The following B3GNT9 variants were observed in gnomAD, a reference collection of about 807,000 sequenced individuals.
B3GNT9 encodes the protein BGnT-9.
For synonymous variants in B3GNT9, 359 were observed against 283.9 expected (o/e 1.26, Z -2.66); for missense variants, 669 against 599.2 (o/e 1.12, Z -1.22).
rs376177165 is a variant in B3GNT9 at position 67,149,787 on chromosome 16, G to C, written c.699C>G (p.Phe233Leu). 6.2e-7 allele frequency: 1 copy of C among 1,613,760 alleles called. No homozygotes were observed. Among genetic ancestry groups the C allele is most frequent in the African/African-American group, 1.3e-5 (1 of 74,934 alleles). ...RFVFKGDADV[F>L]VNVGNLLEFL... Reference sequence around the variant, plus strand: ...ACTCCAGGAGATTTCCCACGTTCACGAACACATCTGCGTCGCCCTTAAAAA... The same window carrying C: ...ACTCCAGGAGATTTCCCACGTTCACCAACACATCTGCGTCGCCCTTAAAAA... Residue 233 changes from phenylalanine to leucine, a missense_variant, in exon 2 of 2, where the codon TTC becomes TTG. By Grantham distance (22) the Phe-to-Leu change is conservative (BLOSUM62 0). Transcript: ENST00000449549.
In B3GNT9 at chr16:67,150,467, GGCGCAGCCTCCTCCTCATCTCC is replaced by G; in HGVS notation, c.-4_18del. 1 of 1,326,692 alleles carries G rather than the reference GGCGCAGCCTCCTCCTCATCTCC, an allele frequency of 7.5e-7. No individual in the cohort carries two copies. Among genetic ancestry groups the G allele is most frequent in the Non-Finnish European group, 9.6e-7 (1 of 1,040,664 alleles). 82.2% of individuals were successfully genotyped at this position (1,326,692 alleles called of 1,614,324 possible). A position where few individuals can be genotyped will look rare whatever the true frequency, so the allele number is the denominator to read the frequency against. On this transcript the variant is annotated start_lost and 5_prime_UTR_variant, in exon 2 of 2. Coordinates refer to ENST00000449549, the MANE Select transcript of B3GNT9 (RefSeq NM_033309.3). Reference sequence around the variant, plus strand: ...AGCGTGAGCAATGCGTCCCTGCGTAGGCGCAGCCTCCTCCTCATCTCCGCGCGGCCTGCGCCCTCCCTCCCCT... The same window carrying G: ...AGCGTGAGCAATGCGTCCCTGCGTAGGCGCGGCCTGCGCCCTCCCTCCCCT...
chr16:67,150,764 G>T, intron 1 of B3GNT9, 93 bp from the exon 2 acceptor site: 1 of 335,802 alleles, frequency 3.0e-6, no homozygotes, highest in Non-Finnish European at 5.4e-6. Context: ...AGGGAGACTG[G>T]GAGCCTCGGC....
chr16:67,150,646 C>G lies in B3GNT9; in HGVS notation c.-161G>C. 1 of 507,276 alleles carries G rather than the reference C, an allele frequency of 2.0e-6. No homozygotes were observed. Among genetic ancestry groups the G allele is most frequent in the Non-Finnish European group, 3.1e-6 (1 of 326,526 alleles). The allele number at this position is 507,276 out of a possible 1,614,324, so 31.4% of individuals were successfully genotyped here. On this transcript the variant is annotated 5_prime_UTR_variant, in exon 2 of 2. Coordinates refer to ENST00000449549, the MANE Select transcript of B3GNT9 (RefSeq NM_033309.3). Reference sequence around the variant, plus strand: ...CTTGCGTTGTTCTCCTCCTCCCGGCCGTGTCGCACCGCCGGGACCGGCAGC... The same window carrying G: ...CTTGCGTTGTTCTCCTCCTCCCGGCGGTGTCGCACCGCCGGGACCGGCAGC...
chr16:67,150,206 G>T lies in B3GNT9; in HGVS notation c.280C>A (p.Arg94=). Residue 94 remains arginine (R), a synonymous_variant, in exon 2 of 2, where the codon CGG becomes AGG. Transcript: ENST00000449549. ...FARYLRAKDQ[R]RFPLLINQPH... ...TGGTTAATGAGCAGTGGAAACCGCC[G>T]CTGGTCCTTGGCGCGCAAATAGCGG... 9 of 1,556,106 alleles carry T rather than the reference G, an allele frequency of 5.8e-6. No homozygotes were observed. Among genetic ancestry groups the T allele is most frequent in the Non-Finnish European group, 7.8e-6 (9 of 1,153,816 alleles).
chr16:67,150,673 T>C lies in B3GNT9; in HGVS notation c.-186-2A>G. ...TGTCGCACCGCCGGGACCGGCAGCC[T>C]GAAGGGACAAGAAGTTCACCCATGT... On this transcript the variant is annotated splice_acceptor_variant, in intron 1 of 1. Transcript: ENST00000449549. LOFTEE classifies it low-confidence loss of function (5UTR_SPLICE). 2.3e-6 allele frequency: 1 copy of C among 436,242 alleles called. No individual in the cohort carries two copies. The highest frequency in any genetic ancestry group is 3.8e-6 in the Non-Finnish European group (1 of 262,288). The allele number at this position is 436,242 out of a possible 1,614,324, so 27.0% of individuals were successfully genotyped here.
Position 67,150,340 on chromosome 16 carries a change from G to T in B3GNT9, c.146C>A (p.Pro49His). 1 of 1,379,894 alleles carries T rather than the reference G, an allele frequency of 7.2e-7. No individual in the cohort carries two copies. Among genetic ancestry groups the T allele is most frequent in the East Asian group, 2.9e-5 (1 of 34,194 alleles). The allele number at this position is 1,379,894 out of a possible 1,614,324, so 85.5% of individuals were successfully genotyped here. A position where few individuals can be genotyped will look rare whatever the true frequency, so the allele number is the denominator to read the frequency against. ...CTGGAACGCGCGGGGTCCGGGGGTG[G>T]GCCTCGGTGCCGCCCTCCCTCGCCC... ...PRGRGRAAPR[P>H]TPGPRAFQLP... The change falls in exon 2 of 2, where the codon CCC (proline) becomes CAC (histidine). Residue 49 changes from proline to histidine, a missense_variant. Transcript: ENST00000449549.
chr16:67,149,619 G>A lies in B3GNT9; in HGVS notation c.867C>T (p.Gly289=). The A allele has an allele frequency of 6.3e-7, 1 of 1,597,692 alleles. No individual in the cohort carries two copies. Among genetic ancestry groups the A allele is most frequent in the Non-Finnish European group, 8.5e-7 (1 of 1,172,520 alleles). ...GLPAYPAYAG[G]GGFVLSGATL... is the part of the protein sequence containing the mutation. Reference sequence around the variant, plus strand: ...TGGCCCCGGAAAGCACAAAGCCACCGCCGCCCGCGTAGGCCGGATAGGCGG... The same window carrying A: ...TGGCCCCGGAAAGCACAAAGCCACCACCGCCCGCGTAGGCCGGATAGGCGG... Residue 289 remains glycine, a synonymous_variant, in exon 2 of 2, where the codon GGC becomes GGT. Transcript: ENST00000449549.
chr16:67,148,178 A>G lies in B3GNT9; in HGVS notation c.*1099T>C, dbSNP rs2030260884. ...GATGACAATTTTGTGAGTTTTTCAA[A>G]TGTGTGTACAGATTTTTGTAAATAT... On this transcript the variant is annotated 3_prime_UTR_variant, in exon 2 of 2. Coordinates refer to ENST00000449549, the MANE Select transcript of B3GNT9 (RefSeq NM_033309.3). 6.5e-6 allele frequency: 1 copy of G among 152,678 alleles called. No individual in the cohort carries two copies. Among genetic ancestry groups the G allele is most frequent in the Non-Finnish European group, 1.5e-5 (1 of 68,050 alleles). 9.5% of individuals were successfully genotyped at this position (152,678 alleles called of 1,614,324 possible). A position where few individuals can be genotyped will look rare whatever the true frequency, so the allele number is the denominator to read the frequency against.
In B3GNT9 at chr16:67,149,595, G is replaced by A. The variant is rs1320358023; in HGVS notation, c.891C>T (p.Ala297=). 6.3e-7 allele frequency: 1 copy of A among 1,599,668 alleles called. No homozygotes were observed. Among genetic ancestry groups the A allele is most frequent in the South Asian group, 1.1e-5 (1 of 89,318 alleles). The change falls in exon 2 of 2, where the codon GCC becomes GCT. Residue 297 remains alanine, a synonymous_variant. Transcript: ENST00000449549. ...AGGGGFVLSG[A]TLHRLAGACA... ...AGGCGCCAGCCAGGCGGTGCAGCGT[G>A]GCCCCGGAAAGCACAAAGCCACCGC...
rs985652911 is a variant in B3GNT9, at chr16:67,150,666, G to C, written c.-181C>G. 4 of 457,714 alleles carry C rather than the reference G, an allele frequency of 8.7e-6. No homozygotes were observed. Among genetic ancestry groups the C allele is most frequent in the Non-Finnish European group, 1.4e-5 (4 of 281,510 alleles). The allele number at this position is 457,714 out of a possible 1,614,324, so 28.4% of individuals were successfully genotyped here. On this transcript the variant is annotated 5_prime_UTR_variant, in exon 2 of 2. Coordinates refer to ENST00000449549, the MANE Select transcript of B3GNT9 (RefSeq NM_033309.3). Reference sequence around the variant, plus strand: ...CCGGCCGTGTCGCACCGCCGGGACCGGCAGCCTGAAGGGACAAGAAGTTCA... The same window carrying C: ...CCGGCCGTGTCGCACCGCCGGGACCCGCAGCCTGAAGGGACAAGAAGTTCA...
At chr16:67,150,778 T>G in intron 1 of B3GNT9, 87 bp downstream of exon 1, 5 of 293,846 alleles carry the variant, frequency 1.7e-5, no homozygotes, top group Admixed American at 5.2e-5. Flanking sequence ...CCTCGGCCCC[T>G]CCCCCGCCCG....
In B3GNT9 at chr16:67,150,142, C is replaced by T; in HGVS notation, c.344G>A (p.Arg115His). 2 of 1,523,846 alleles carry T rather than the reference C, an allele frequency of 1.3e-6. No homozygotes were observed. Among genetic ancestry groups the T allele is most frequent in the Non-Finnish European group, 1.8e-6 (2 of 1,137,818 alleles). The allele number at this position is 1,523,846 out of a possible 1,614,324, so 94.4% of individuals were successfully genotyped here. A position where few individuals can be genotyped will look rare whatever the true frequency, so the allele number is the denominator to read the frequency against. The change falls in exon 2 of 2, where the codon CGC (arginine) becomes CAC (histidine). Residue 115 changes from arginine (R) to histidine (H), a missense_variant. Coordinates refer to ENST00000449549, the MANE Select transcript of B3GNT9 (RefSeq NM_033309.3). ...CTTGACAGCAATAAGCAGGTCCGGG[C>T]GGCCACCGGGTGCGCCGTCGCCGCG... Reference protein sequence around the residue: ...KCRGDGAPGGRPDLLIAVKSV... With the variant: ...KCRGDGAPGGHPDLLIAVKSV...
At position 67,149,661 on chromosome 16, in the gene B3GNT9, C is replaced by T. The variant is rs1212199925; in HGVS notation, c.825G>A (p.Glu275=). The T allele has an allele frequency of 6.2e-7, 1 of 1,605,936 alleles. No homozygotes were observed. Among genetic ancestry groups the T allele is most frequent in the Non-Finnish European group, 8.5e-7 (1 of 1,176,394 alleles). The change falls in exon 2 of 2, where the codon GAG becomes GAA. Residue 275 remains glutamate (E), a synonymous_variant. Transcript: ENST00000449549. ...RTRASKYYIP[E]AVYGLPAYPA... ...GATAGGCGGGCAGGCCGTACACGGC[C>T]TCGGGGATGTAGTACTTGCTAGCCC... is the stretch of plus-strand genomic sequence containing the variant.
rs1409407012 is a variant in B3GNT9 at position 67,148,188 on chromosome 16, A to G, written c.*1089T>C. On this transcript the variant is annotated 3_prime_UTR_variant, in exon 2 of 2. Coordinates refer to ENST00000449549, the MANE Select transcript of B3GNT9 (RefSeq NM_033309.3). ...TTGTGAGTTTTTCAAATGTGTGTAC[A>G]GATTTTTGTAAATATGACTCTTTTG... The G allele has an allele frequency of 6.5e-6, 1 of 152,690 alleles. No homozygotes were observed. Among genetic ancestry groups the G allele is most frequent in the Non-Finnish European group, 1.5e-5 (1 of 68,058 alleles). The allele number at this position is 152,690 out of a possible 1,614,324, so 9.5% of individuals were successfully genotyped here.
rs191410992 is a variant in B3GNT9, at chr16:67,148,396, C to T, written c.*881G>A. On this transcript the variant is annotated 3_prime_UTR_variant, in exon 2 of 2. Coordinates refer to ENST00000449549, the MANE Select transcript of B3GNT9 (RefSeq NM_033309.3). Reference sequence around the variant, plus strand: ...CTGGCCAGAGCCCCTTGCATATCCCCACTGTCAGGGGCAGCCAGGACTGTT... The same window carrying T: ...CTGGCCAGAGCCCCTTGCATATCCCTACTGTCAGGGGCAGCCAGGACTGTT... The T allele has an allele frequency of 6.5e-6, 1 of 152,766 alleles. No homozygotes were observed. Among genetic ancestry groups the T allele is most frequent in the African/African-American group, 2.4e-5 (1 of 41,576 alleles). 9.5% of individuals were successfully genotyped at this position (152,766 alleles called of 1,614,324 possible).
rs2030358578 is a variant in B3GNT9, at chr16:67,149,411, G to A, written c.1075C>T (p.Arg359Cys). The A allele has an allele frequency of 6.2e-7, 1 of 1,603,966 alleles. No individual in the cohort carries two copies. Among genetic ancestry groups the A allele is most frequent in the African/African-American group, 1.3e-5 (1 of 74,840 alleles). The change falls in exon 2 of 2, where the codon CGT (arginine) becomes TGT (cysteine). Residue 359 changes from arginine (R) to cysteine (C), a missense_variant. Transcript: ENST00000449549. ...HLSTFDPCFY[R>C]ELVVVHGLSA... ...AGCCCGTGCACTACAACCAGCTCACGGTAAAAGCAGGGGTCGAAGGTGCTC... is the reference window on the plus strand; with the variant it reads ...AGCCCGTGCACTACAACCAGCTCACAGTAAAAGCAGGGGTCGAAGGTGCTC...
chr16:67,150,464 G>A lies in B3GNT9; in HGVS notation c.22C>T (p.Arg8Cys), dbSNP rs775502891. The A allele has an allele frequency of 3.0e-6, 4 of 1,330,314 alleles. No individual in the cohort carries two copies. The highest frequency in any genetic ancestry group is 3.1e-5 in the African/African-American group (2 of 65,206). The allele number at this position is 1,330,314 out of a possible 1,614,324, so 82.4% of individuals were successfully genotyped here. Residue 8 changes from arginine (R) to cysteine (C), a missense_variant, in exon 2 of 2, where the codon CGC (arginine) becomes TGC (cysteine). Transcript: ENST00000449549. The stretch of plus-strand genomic sequence containing the variant: ...AGCAGCGTGAGCAATGCGTCCCTGC[G>A]TAGGCGCAGCCTCCTCCTCATCTCC... MRRRLRL[R>C]RDALLTLLLG...
Position 67,150,073 on chromosome 16 carries a change from G to C in B3GNT9, c.413C>G (p.Thr138Arg). The change falls in exon 2 of 2, where the codon ACG (threonine) becomes AGG (arginine). Residue 138 changes from threonine (T) to arginine (R), a missense_variant. Coordinates refer to ENST00000449549, the MANE Select transcript of B3GNT9 (RefSeq NM_033309.3). Reference sequence around the variant, plus strand: ...CTGCACGCGACCCTCCGCGCCCCACGTCTGGCGCACGGCTTGGCGCCGCTC... The same window carrying C: ...CTGCACGCGACCCTCCGCGCCCCACCTCTGGCGCACGGCTTGGCGCCGCTC... ...DFERRQAVRQ[T>R]WGAEGRVQGA... The C allele has an allele frequency of 1.4e-6, 2 of 1,470,270 alleles. No individual in the cohort carries two copies. Among genetic ancestry groups the C allele is most frequent in the Non-Finnish European group, 1.8e-6 (2 of 1,113,896 alleles). The allele number at this position is 1,470,270 out of a possible 1,614,324, so 91.1% of individuals were successfully genotyped here. A position where few individuals can be genotyped will look rare whatever the true frequency, so the allele number is the denominator to read the frequency against.
chr16:67,149,837 C>G lies in B3GNT9; in HGVS notation c.649G>C (p.Ala217Pro), dbSNP rs769249232. ...ACGAAGCGCACGTCGGGGCAGAAAG[C>G]TGAGGCCCAGGCTAGAAAGTGGATC... is the stretch of plus-strand genomic sequence containing the variant. ...KEIHFLAWAS[A>P]FCPDVRFVFK... Residue 217 changes from alanine to proline, a missense_variant, in exon 2 of 2, where the codon GCT (alanine) becomes CCT (proline). Ala to Pro is a conservative substitution (Grantham distance 27). Transcript: ENST00000449549. 5.0e-6 allele frequency: 8 copies of G among 1,613,616 alleles called. No individual in the cohort carries two copies. The highest frequency in any genetic ancestry group is 6.8e-6 in the Non-Finnish European group (8 of 1,179,746).
Sources: allele counts gnomAD v4.1 joint callset, GRCh38; gene constraint gnomAD v4.1.1; transcripts MANE v1.5; gene names NCBI Gene and HGNC (gene_info 2026-07-23, HGNC 2026-07-21).